The following IL2RA variants were observed in gnomAD, a reference collection of about 807,000 sequenced individuals.
IL2RA encodes the protein interleukin-2 receptor subunit alpha.
Under a neutral mutation model 37.8 loss-of-function variants are expected in IL2RA, and 24 were observed. The ratio of observed to expected loss-of-function variants is 0.63; its 90% CI spans 0.46 to 0.89. The LOEUF is 0.89. IL2RA is among the 40% of genes least tolerant of loss of function. The pLI is 0.00. For synonymous variants in IL2RA, 125 were observed against 114.6 expected, an observed-to-expected ratio of 1.09 and a Z score of -0.58; for missense variants, 319 against 348.6, an observed-to-expected ratio of 0.92 and a Z score of 0.68.
At position 6,021,942 on chromosome 10, in the gene IL2RA, G is replaced by T. The variant is rs1839395286; in HGVS notation, c.368-249C>A. ...GATTGGGTAAGAAAGGCATGTGAAG[G>T]ATAGCAGACGTTGGCAATGGGAACA... On this transcript the variant is annotated intron_variant, in intron 3 of 7. Transcript: ENST00000379959. This position sits in a 1 kb window ranked among gnomAD's most constrained non-coding sequence, Gnocchi z 4.9. 6.6e-6 allele frequency among the ~76,000 whole-genome samples: 1 copy of T among 152,172 alleles called. No individual in the cohort carries two copies. Among genetic ancestry groups the T allele is most frequent in the South Asian group, 2.1e-4 (1 of 4,830 alleles).
intron 1 of IL2RA, among the ~76,000 whole-genome samples, chr10:6,042,400 A>G (rs1025320527): frequency 5.3e-5 from 8 of 152,206 alleles, no homozygotes; most frequent in African/African-American, 1.9e-4. Context: ...TAGACAGTAG[A>G]CACTGAAAGC....
chr10:6,017,485 G>A (rs1839298850), intron 7 of IL2RA, among the ~76,000 whole-genome samples: 1 of 151,520 alleles, frequency 6.6e-6, no homozygotes, highest in Non-Finnish European at 1.5e-5. Flanking sequence ...TTTCAATAAT[G>A]TTTATAAAAC....
In IL2RA at chr10:6,012,040, C is replaced by T. The variant is rs1839199197; in HGVS notation, c.*832G>A. The T allele has an allele frequency of 6.6e-6, 1 of 152,332 alleles. No homozygotes were observed. Among genetic ancestry groups the T allele is most frequent in the East Asian group, 1.9e-4 (1 of 5,336 alleles). The allele number at this position is 152,332 out of a possible 1,614,324, so 9.4% of individuals were successfully genotyped here. A position where few individuals can be genotyped will look rare whatever the true frequency, so the allele number is the denominator to read the frequency against. Reference sequence around the variant, plus strand: ...CTGTAAACATCAAATTAGTGCAGGCCAAATTCAGGGTATCATTCATAGCAA... The same window carrying T: ...CTGTAAACATCAAATTAGTGCAGGCTAAATTCAGGGTATCATTCATAGCAA... On this transcript the variant is annotated 3_prime_UTR_variant, in exon 8 of 8. Transcript: ENST00000379959. The surrounding 1 kb of genome is among the most constrained non-coding windows in gnomAD (Gnocchi z 4.8).
intron 7 of IL2RA, among the ~76,000 whole-genome samples, chr10:6,013,563 T>C (rs1422582533): frequency 6.6e-6 from 1 of 152,194 alleles, no homozygotes; most frequent in African/African-American, 2.4e-5. Context: ...AGCTCTCTGA[T>C]GACGGTTGCC....
At chr10:6,041,314 A>G (rs747913045) in intron 1 of IL2RA, among the ~76,000 whole-genome samples, 1 of 151,952 alleles carries the variant, frequency 6.6e-6, no homozygotes, top group African/African-American at 2.4e-5. Flanking sequence ...ACGGGGTTTC[A>G]CTGTGTTAGC....
intron 1 of IL2RA, among the ~76,000 whole-genome samples, chr10:6,049,543 T>G (rs1269718032): frequency 6.6e-6 from 1 of 152,196 alleles, no homozygotes; most frequent in African/African-American, 2.4e-5. Context: ...CCTAATGCAT[T>G]TCTACCTTCT....
At chr10:6,039,944 G>T (rs1839745934) in intron 1 of IL2RA, among the ~76,000 whole-genome samples, 1 of 152,234 alleles carries the variant, frequency 6.6e-6, no homozygotes, top group Non-Finnish European at 1.5e-5. Flanking sequence ...CTGAAAGGTG[G>T]GTGGGAGTTC....
chr10:6,060,935 C>T (rs1183968550), intron 1 of IL2RA, among the ~76,000 whole-genome samples: 1 of 152,128 alleles, frequency 6.6e-6, no homozygotes, highest in Non-Finnish European at 1.5e-5. Flanking sequence ...TTTCTACAGC[C>T]AGTTAGCATT....
rs149273406 is a variant in IL2RA at position 6,047,137 on chromosome 10, C to A, written c.64+14951G>T. 2.0e-5 allele frequency among the ~76,000 whole-genome samples: 3 copies of A among 152,180 alleles called. No homozygotes were observed. Among genetic ancestry groups the A allele is most frequent in the Admixed American group, 6.5e-5 (1 of 15,282 alleles). ...GACCCTCAAATCCCTGCATGCCCTG[C>A]GCATGCCCTAACCCTGAGGAGGTGC... On this transcript the variant is annotated intron_variant, in intron 1 of 7. Coordinates refer to ENST00000379959, the MANE Select transcript of IL2RA (RefSeq NM_000417.3). This position sits in a 1 kb window ranked among gnomAD's most constrained non-coding sequence, Gnocchi z 5.0.
chr10:6,019,303 T>TCAACCTACCAATCAACCAACTAAC, intron 6 of IL2RA, 125 bp downstream of exon 6: 1 of 794,842 alleles, frequency 1.3e-6, no homozygotes, highest in Non-Finnish European at 2.3e-6. Flanking sequence ...AACCTACCTA[T>TCAACCTACCAATCAACCAACTAAC]CAACCTACCA....
At chr10:6,034,912 T>A (rs1325893760) in intron 1 of IL2RA, among the ~76,000 whole-genome samples, 1 of 152,236 alleles carries the variant, frequency 6.6e-6, no homozygotes, top group Non-Finnish European at 1.5e-5. Flanking sequence ...TTTTTCTCCC[T>A]GTAATTTTAA....
chr10:6,038,387 T>A lies in IL2RA; in HGVS notation c.65-12362A>T, dbSNP rs532294685. ...GGCCCAGGCCCTCCATTTGGGGTTA[T>A]CTATATAATAATAACTATGATGTCT... is the stretch of plus-strand genomic sequence containing the variant. On this transcript the variant is annotated intron_variant, in intron 1 of 7. Coordinates refer to ENST00000379959, the MANE Select transcript of IL2RA (RefSeq NM_000417.3). 2.6e-5 allele frequency among the ~76,000 whole-genome samples: 4 copies of A among 152,366 alleles called. No homozygotes were observed. In the South Asian group the frequency reaches 8.3e-4, roughly 32 times the overall value.
In IL2RA at chr10:6,047,668, T is replaced by G. The variant is rs1839887092; in HGVS notation, c.64+14420A>C. Among the ~76,000 whole-genome samples the G allele has an allele frequency of 6.7e-6, 1 of 148,388 alleles. No homozygotes were observed. Among genetic ancestry groups the G allele is most frequent in the Admixed American group, 6.7e-5 (1 of 14,858 alleles). The stretch of plus-strand genomic sequence containing the variant: ...ACAATAAAGTATATAAATATAAATA[T>G]ATAATAAATGAAATATATAAAATAC... On this transcript the variant is annotated intron_variant, in intron 1 of 7. Transcript: ENST00000379959. The surrounding 1 kb of genome is among the most constrained non-coding windows in gnomAD (Gnocchi z 5.0).
rs1839405430 is a variant in IL2RA at position 6,022,610 on chromosome 10, G to A, written c.368-917C>T. On this transcript the variant is annotated intron_variant, in intron 3 of 7. Transcript: ENST00000379959. This position sits in a 1 kb window ranked among gnomAD's most constrained non-coding sequence, Gnocchi z 4.7. ...CTCTTCCCCAGCAGGAAGCTGGGTG[G>A]CCCTGTCCCAGGCTGGCTCCTGCCA... Among the ~76,000 whole-genome samples the A allele has an allele frequency of 6.6e-6, 1 of 152,156 alleles. No individual in the cohort carries two copies. The highest frequency in any genetic ancestry group is 2.4e-5 in the African/African-American group (1 of 41,404).
intron 1 of IL2RA, among the ~76,000 whole-genome samples, chr10:6,059,194 A>T (rs1310027975): frequency 6.6e-6 from 1 of 152,100 alleles, no homozygotes; most frequent in African/African-American, 2.4e-5. Context: ...TTGTGATTGG[A>T]CTATTTTAAG....
In IL2RA at chr10:6,020,943, G is replaced by C. The variant is rs1209229319; in HGVS notation, c.583+535C>G. 1.4e-5 allele frequency among the ~76,000 whole-genome samples: 2 copies of C among 144,024 alleles called. No homozygotes were observed. Among genetic ancestry groups the C allele is most frequent in the Non-Finnish European group, 3.1e-5 (2 of 64,264 alleles). The allele number at this position is 144,024 out of a possible 152,430, so 94.5% of individuals were successfully genotyped here. A position where few individuals can be genotyped will look rare whatever the true frequency, so the allele number is the denominator to read the frequency against. On this transcript the variant is annotated intron_variant, in intron 4 of 7. Transcript: ENST00000379959. The surrounding 1 kb of genome is among the most constrained non-coding windows in gnomAD (Gnocchi z 5.6). ...CATTTGCATGAGTATGTGTGTGTGTGTGTGTGTGTGCGCGCATGTGCACTG... is the reference window on the plus strand; with the variant it reads ...CATTTGCATGAGTATGTGTGTGTGTCTGTGTGTGTGCGCGCATGTGCACTG...
At chr10:6,042,435 T>C (rs975400558) in intron 1 of IL2RA, among the ~76,000 whole-genome samples, 4 of 152,156 alleles carry the variant, frequency 2.6e-5, no homozygotes, top group Non-Finnish European at 5.9e-5. Flanking sequence ...ATGTACGTGA[T>C]ACCTTAAAAG....
rs573424491 is a variant in IL2RA at position 6,022,321 on chromosome 10, G to A, written c.368-628C>T. 8.5e-5 allele frequency among the ~76,000 whole-genome samples: 13 copies of A among 152,234 alleles called. No individual in the cohort carries two copies. Among genetic ancestry groups the A allele is most frequent in the Non-Finnish European group, 1.3e-4 (9 of 68,006 alleles). On this transcript the variant is annotated intron_variant, in intron 3 of 7. Coordinates refer to ENST00000379959, the MANE Select transcript of IL2RA (RefSeq NM_000417.3). This position sits in a 1 kb window ranked among gnomAD's most constrained non-coding sequence, Gnocchi z 4.7. ...CACACCTGAAGGTTGACACACATGC[G>A]CCCTTTCAAGACGTCTCAAAATTTC... is the stretch of plus-strand genomic sequence containing the variant.
In IL2RA at chr10:6,048,489, C is replaced by A. The variant is rs1839900456; in HGVS notation, c.64+13599G>T. On this transcript the variant is annotated intron_variant, in intron 1 of 7. Coordinates refer to ENST00000379959, the MANE Select transcript of IL2RA (RefSeq NM_000417.3). The surrounding 1 kb of genome is among the most constrained non-coding windows in gnomAD (Gnocchi z 5.3). The stretch of plus-strand genomic sequence containing the variant: ...GCCTTTGGCCATGCAGACTAGAAGC[C>A]CAGCAAGTCACATTTAGTGAGCACC... Among the ~76,000 whole-genome samples the A allele has an allele frequency of 6.6e-6, 1 of 152,214 alleles. No individual in the cohort carries two copies. Among genetic ancestry groups the A allele is most frequent in the Non-Finnish European group, 1.5e-5 (1 of 68,040 alleles).
Sources: allele counts gnomAD v4.1 joint callset (sites outside exome capture counted in the v4.1 genomes callset), GRCh38; gene constraint gnomAD v4.1.1; non-coding constraint Gnocchi (gnomAD v3.1); transcripts MANE v1.5; gene names NCBI Gene and HGNC (gene_info 2026-07-23, HGNC 2026-07-21).